RBFOX1: variants seen among roughly 807,000 people sequenced by gnomAD.
RBFOX1 encodes RNA binding fox-1 homolog 1.
A neutral mutation model predicts 57.7 loss-of-function variants in RBFOX1; 8 were observed. That is an observed-to-expected ratio of 0.14 (90% CI 0.08 to 0.25). The LOEUF (loss-of-function observed/expected upper bound fraction) is 0.25. Ranked by LOEUF, RBFOX1 falls within the 10% of genes least tolerant of loss-of-function variation. The pLI is 1.00. For synonymous variants in RBFOX1, 326 were observed against 222.4 expected (o/e 1.47, Z -4.15); for missense variants, 611 against 548.5 (o/e 1.11, Z -1.14).
At chr16:5,819,275 G>T (rs28407272) in intron 3 of RBFOX1, among the ~76,000 whole-genome samples, 1 of 152,154 alleles carries the variant, frequency 6.6e-6, no homozygotes, top group Non-Finnish European at 1.5e-5. Flanking sequence ...AGCTCTCTGG[G>T]ATCTCTTTTA....
intron 1 of RBFOX1, among the ~76,000 whole-genome samples, chr16:6,292,022 A>G (rs1271141004): frequency 6.6e-6 from 1 of 152,124 alleles, no homozygotes. Flanking sequence ...GGAGTAAAAA[A>G]AATGGCTTTA....
intron 4 of RBFOX1, among the ~76,000 whole-genome samples, chr16:7,394,004 G>A (rs942052273): frequency 1.3e-5 from 2 of 152,040 alleles, no homozygotes; most frequent in East Asian, 1.9e-4. Flanking sequence ...GGGAGTCCAA[G>A]GTGGGCAGAT....
intron 4 of RBFOX1, among the ~76,000 whole-genome samples, chr16:7,293,825 T>C (rs1328290709): frequency 1.3e-5 from 2 of 152,120 alleles, no homozygotes; most frequent in African/African-American, 4.8e-5. Flanking sequence ...ATCATCAGAC[T>C]TTGAAGGTAT....
intron 3 of RBFOX1, among the ~76,000 whole-genome samples, chr16:6,690,484 TA>T (rs1161548899): frequency 2.0e-5 from 3 of 151,894 alleles, no homozygotes; most frequent in African/African-American, 7.3e-5. Flanking sequence ...AAGAAAAAAA[TA>T]AAATTAACCT....
At chr16:6,758,079 C>G (rs916729024) in intron 3 of RBFOX1, among the ~76,000 whole-genome samples, 2 of 152,100 alleles carry the variant, frequency 1.3e-5, no homozygotes, top group Non-Finnish European at 2.9e-5. Context: ...TAAGAAGGAT[C>G]AGGACACAGA....
intron 4 of RBFOX1, among the ~76,000 whole-genome samples, chr16:5,896,130 G>T (rs1026434210): frequency 3.9e-5 from 6 of 152,126 alleles, no homozygotes; most frequent in Admixed American, 1.3e-4. Flanking sequence ...GGAGAGGCTG[G>T]AATCTGATCC....
At chr16:6,010,288 C>T (rs1393648718) in intron 4 of RBFOX1, among the ~76,000 whole-genome samples, 1 of 152,178 alleles carries the variant, frequency 6.6e-6, no homozygotes, top group Non-Finnish European at 1.5e-5. Context: ...CCAGGATAAC[C>T]AACCGTCACC....
intron 4 of RBFOX1, among the ~76,000 whole-genome samples, chr16:7,062,377 C>A (rs2054640086): frequency 6.8e-6 from 1 of 147,940 alleles, no homozygotes; most frequent in South Asian, 2.2e-4. Context: ...GATATAAAAG[C>A]TTTCTGTCTT....
rs79180306 is a variant in RBFOX1, at chr16:6,278,044, G to C, written c.-126-38951G>C. ...AATGTGAAGTTCCCTTACTTTGTAA[G>C]TGGGTAGGAGTTCATTGGACATAGG... On this transcript the variant is annotated intron_variant, in intron 1 of 15. Coordinates refer to ENST00000550418, the MANE Select transcript of RBFOX1 (RefSeq NM_018723.4). 2.5e-3 allele frequency among the ~76,000 whole-genome samples: 375 copies of C among 152,266 alleles called. 2 individuals carry two copies. The highest frequency in any genetic ancestry group is 8.5e-3 in the African/African-American group (354 of 41,564).
intron 1 of RBFOX1, among the ~76,000 whole-genome samples, chr16:5,321,021 G>C (rs2064388043): frequency 6.6e-6 from 1 of 152,174 alleles, no homozygotes; most frequent in African/African-American, 2.4e-5. Flanking sequence ...TGTTGCTGCT[G>C]CTGGTCCTGA....
intron 1 of RBFOX1, among the ~76,000 whole-genome samples, chr16:5,354,305 T>A (rs1345569237): frequency 6.6e-6 from 1 of 152,210 alleles, no homozygotes; most frequent in Admixed American, 6.5e-5. Context: ...TTTTTTTCTC[T>A]ATTCACTGTC....
intron 1 of RBFOX1, among the ~76,000 whole-genome samples, chr16:5,333,596 A>G (rs886923637): frequency 1.6e-4 from 24 of 152,222 alleles, no homozygotes; most frequent in Admixed American, 1.2e-3. Context: ...CCTGGAGGCA[A>G]GTGCTTCAGT....
intron 4 of RBFOX1, among the ~76,000 whole-genome samples, chr16:5,938,658 C>T (rs1411232468): frequency 6.6e-6 from 1 of 152,032 alleles, no homozygotes; most frequent in Admixed American, 6.6e-5. Flanking sequence ...AATTTTACAC[C>T]TGGGGTCATT....
chr16:5,521,005 T>C (rs2043990778), intron 2 of RBFOX1, among the ~76,000 whole-genome samples: 1 of 152,198 alleles, frequency 6.6e-6, no homozygotes, highest in South Asian at 2.1e-4. Flanking sequence ...TTAAAGTCCA[T>C]GGAGATTTGG....
chr16:6,689,778 C>G (rs985799387), intron 3 of RBFOX1, among the ~76,000 whole-genome samples: 1 of 152,210 alleles, frequency 6.6e-6, no homozygotes, highest in African/African-American at 2.4e-5. Context: ...TGTTTTGTTT[C>G]TCCGTCTTCC....
chr16:6,390,374 C>A (rs2092537791), intron 2 of RBFOX1, among the ~76,000 whole-genome samples: 1 of 152,076 alleles, frequency 6.6e-6, no homozygotes, highest in Admixed American at 6.5e-5. Flanking sequence ...AAGGGCTGTG[C>A]AGGTACCTAG....
intron 3 of RBFOX1, among the ~76,000 whole-genome samples, chr16:7,038,558 G>C (rs189770949): frequency 2.0e-5 from 3 of 152,130 alleles, no homozygotes; most frequent in Non-Finnish European, 4.4e-5. Context: ...AAGACATTTC[G>C]TGGTTTAGCT....
At chr16:6,647,354 T>G (rs1036072562) in intron 2 of RBFOX1, among the ~76,000 whole-genome samples, 4 of 152,204 alleles carry the variant, frequency 2.6e-5, no homozygotes, top group African/African-American at 9.6e-5. Flanking sequence ...GAAATGATTC[T>G]CCTGCCTCAG....
At chr16:6,422,073 A>C (rs1597016381) in intron 2 of RBFOX1, among the ~76,000 whole-genome samples, 1 of 151,744 alleles carries the variant, frequency 6.6e-6, no homozygotes, top group Middle Eastern at 3.4e-3. Flanking sequence ...GGTAAGTACC[A>C]CCACGCCTGG....
Sources: gnomAD v4.1 joint callset for allele counts (sites outside exome capture counted in the v4.1 genomes callset) on GRCh38, gnomAD v4.1.1 for gene constraint, MANE v1.5 for transcripts, NCBI Gene and HGNC (gene_info 2026-07-23, HGNC 2026-07-21) for gene names.